IL10RA: variants seen among roughly 807,000 people sequenced by gnomAD.
The protein encoded by IL10RA is interleukin 10 receptor subunit alpha.
IL10RA carries 18 observed loss-of-function variants against 29.6 expected under a neutral mutation model. The ratio of observed to expected loss-of-function variants is 0.61; its 90% CI spans 0.42 to 0.90. The LOEUF (loss-of-function observed/expected upper bound fraction) is 0.90. Ranked by LOEUF, IL10RA falls within the 40% of genes least tolerant of loss-of-function variation. The pLI is 0.00. For missense variants in IL10RA, 634 were observed against 716.6 expected (o/e 0.88, Z 1.32); for synonymous variants, 292 against 294.1 (o/e 0.99, Z 0.07).
At chr11:117,990,352 A>AT (rs11355213) in intron 3 of IL10RA, among the ~76,000 whole-genome samples, 86 of 149,328 alleles carry the variant, frequency 5.8e-4, no homozygotes, top group Admixed American at 1.5e-3. Context: ...GGGCATCTGT[A>AT]TTTTTTTTTT....
rs2058041700 is a variant in IL10RA, at chr11:117,994,148, G to C, written c.687G>C (p.Gln229His). ...AGGAGTGCATCTCCCTCACCAGGCA[G>C]TGTGAGTCAGCTGGGCTGCTCTCAG... is the stretch of plus-strand genomic sequence containing the variant. ...SKEECISLTRQYFTVTNVIIF... is the reference protein window; with the variant it reads ...SKEECISLTRHYFTVTNVIIF... The change falls in exon 5 of 7, where the codon CAG becomes CAC. Residue 229 changes from glutamine (Q) to histidine (H), a missense_variant and splice_region_variant. Coordinates refer to ENST00000227752, the MANE Select transcript of IL10RA (RefSeq NM_001558.4). 6.2e-7 allele frequency: 1 copy of C among 1,613,872 alleles called. No individual in the cohort carries two copies. Among genetic ancestry groups the C allele is most frequent in the Non-Finnish European group, 8.5e-7 (1 of 1,179,880 alleles).
chr11:117,987,674 G>A (rs2057995072), intron 1 of IL10RA: 1 of 157,484 alleles, frequency 6.3e-6, no homozygotes, highest in Non-Finnish European at 1.4e-5. Flanking sequence ...GGTGTGTACT[G>A]GGGGTAAAGG....
intron 6 of IL10RA, among the ~76,000 whole-genome samples, chr11:117,997,802 A>G (rs4252314): frequency 0.026 from 3,929 of 152,304 alleles, 78 homozygotes; most frequent in Non-Finnish European, 0.038. Context: ...TAACAGGGTT[A>G]ATGTGGAGAG....
At chr11:117,991,748 A>G (rs999604607) in intron 3 of IL10RA, among the ~76,000 whole-genome samples, 2 of 151,580 alleles carry the variant, frequency 1.3e-5, no homozygotes, top group South Asian at 2.1e-4. Context: ...CTTTTTTTTC[A>G]ATTTGAGACA....
intron 3 of IL10RA, among the ~76,000 whole-genome samples, chr11:117,991,860 T>G (rs4252261): frequency 0.19 from 28,556 of 151,984 alleles, 3,630 homozygotes; most frequent in African/African-American, 0.37. Context: ...TCAGCCTCCT[T>G]AGTAGCTGGG....
Position 117,986,506 on chromosome 11 carries a change from C to T in IL10RA, c.39C>T (p.Leu13=). 2 of 1,556,266 alleles carry T rather than the reference C, an allele frequency of 1.3e-6. No individual in the cohort carries two copies. The highest frequency in any genetic ancestry group is 1.2e-5 in the South Asian group (1 of 84,344). Residue 13 remains leucine, a synonymous_variant, in exon 1 of 7, where the codon CTC becomes CTT. Coordinates refer to ENST00000227752, the MANE Select transcript of IL10RA (RefSeq NM_001558.4). ...PCLVVLLAAL[L]SLRLGSDAHG... Reference sequence around the variant, plus strand: ...TCGTAGTGCTGCTGGCGGCGCTCCTCAGCCTCCGTCTTGGCTCAGACGCTC... The same window carrying T: ...TCGTAGTGCTGCTGGCGGCGCTCCTTAGCCTCCGTCTTGGCTCAGACGCTC...
At chr11:117,986,599 C>A (rs2057988442) in intron 1 of IL10RA, 65 bp downstream of exon 1, 1 of 1,546,648 alleles carries the variant, frequency 6.5e-7, no homozygotes, top group Non-Finnish European at 8.7e-7. Flanking sequence ...TTAAAGTTCT[C>A]CATCCAGTGG....
rs1028459628 is a variant in IL10RA at position 117,989,750 on chromosome 11, G to T, written c.367+130G>T. On this transcript the variant is annotated intron_variant, in intron 3 of 6. Coordinates refer to ENST00000227752, the MANE Select transcript of IL10RA (RefSeq NM_001558.4). This position sits in a 1 kb window ranked among gnomAD's most constrained non-coding sequence, Gnocchi z 4.5. ...AGCCTCCCTGGCCGGAGAACTAGTT[G>T]CCCAAACAGGGCAGGACTTTGGAGA... is the stretch of plus-strand genomic sequence containing the variant. 1.1e-6 allele frequency: 1 copy of T among 917,816 alleles called. No homozygotes were observed. Among genetic ancestry groups the T allele is most frequent in the Non-Finnish European group, 1.7e-6 (1 of 581,644 alleles). 56.9% of individuals were successfully genotyped at this position (917,816 alleles called of 1,614,324 possible).
Position 117,994,088 on chromosome 11 carries a change from C to A in IL10RA, c.627C>A (p.Val209=), listed in dbSNP as rs757785268. ...TCTGTGTCCAGGTGAAACCATCTGT[C>A]GCTTCCCGAAGTAACAAGGGGATGT... ...GEFCVQVKPS[V]ASRSNKGMWS... The change falls in exon 5 of 7, where the codon GTC becomes GTA. Residue 209 remains valine, a synonymous_variant. Coordinates refer to ENST00000227752, the MANE Select transcript of IL10RA (RefSeq NM_001558.4). 19 of 1,613,922 alleles carry A rather than the reference C, an allele frequency of 1.2e-5. No individual in the cohort carries two copies. The highest frequency in any genetic ancestry group is 1.6e-5 in the Non-Finnish European group (19 of 1,179,900).
chr11:117,996,123 G>T (rs2058054616), intron 6 of IL10RA, among the ~76,000 whole-genome samples: 1 of 152,210 alleles, frequency 6.6e-6, no homozygotes, highest in African/African-American at 2.4e-5. Context: ...GCCAGGAAGA[G>T]TCAGGGAGGG....
At chr11:118,002,403 A>G (rs1422544109), downstream of IL10RA, 1 of 152,158 alleles carries the variant, frequency 6.6e-6, no homozygotes, top group East Asian at 1.9e-4. Context: ...CTTGACTAAT[A>G]TCACGCCATT....
chr11:117,993,512 T>A, intron 4 of IL10RA, 102 bp downstream of exon 4: 1 of 1,049,280 alleles, frequency 9.5e-7, no homozygotes, highest in Non-Finnish European at 1.5e-6. Context: ...GCTTATGGAC[T>A]AAAGGGAGGG....
rs2058088973 is a variant in IL10RA, at chr11:118,000,480, T to C, written c.*839T>C. 2.2e-6 allele frequency: 1 copy of C among 454,280 alleles called. No homozygotes were observed. The highest frequency in any genetic ancestry group is 4.4e-6 in the Non-Finnish European group (1 of 226,790). 28.1% of individuals were successfully genotyped at this position (454,280 alleles called of 1,614,324 possible). A position where few individuals can be genotyped will look rare whatever the true frequency, so the allele number is the denominator to read the frequency against. On this transcript the variant is annotated 3_prime_UTR_variant, in exon 7 of 7. Coordinates refer to ENST00000227752, the MANE Select transcript of IL10RA (RefSeq NM_001558.4). ...TCCAGAGAAGCCATGGTTTTTTGTA[T>C]TGGTCATAACTCAGCCCTTTGGGCG... is the stretch of plus-strand genomic sequence containing the variant.
At chr11:117,988,543 C>G (rs372612391) in intron 2 of IL10RA, 41 bp downstream of exon 2, 7 of 1,610,978 alleles carry the variant, frequency 4.3e-6, no homozygotes, top group Non-Finnish European at 2.5e-6. Flanking sequence ...AGGAGTGAAT[C>G]CCCGCCTTGT....
At position 117,999,745 on chromosome 11, in the gene IL10RA, C is replaced by G. The variant is rs886047710; in HGVS notation, c.*104C>G. The stretch of plus-strand genomic sequence containing the variant: ...AGTTAGGCACGAGGCAGTCTGGGCA[C>G]TTTTCTGCAAGTCCACTGGGGCTGG... On this transcript the variant is annotated 3_prime_UTR_variant, in exon 7 of 7. Transcript: ENST00000227752. The G allele has an allele frequency of 8.4e-6, 9 of 1,069,836 alleles. No homozygotes were observed. The East Asian group carries it at 2.0e-4, about 24-fold the overall frequency. 66.3% of individuals were successfully genotyped at this position (1,069,836 alleles called of 1,614,324 possible).
chr11:117,996,297 G>A (rs868033794), intron 6 of IL10RA, among the ~76,000 whole-genome samples: 33 of 152,078 alleles, frequency 2.2e-4, no homozygotes, highest in African/African-American at 8.0e-4. Context: ...GCTGGCAGGG[G>A]ACAGGGAGGG....
chr11:117,988,024 G>A (rs1396603133), intron 1 of IL10RA: 1 of 367,850 alleles, frequency 2.7e-6, no homozygotes, highest in Non-Finnish European at 5.3e-6. Flanking sequence ...TAGGAATAGT[G>A]CTAGAGCAGG....
Position 117,989,696 on chromosome 11 carries a change from G to C in IL10RA, c.367+76G>C. On this transcript the variant is annotated intron_variant, in intron 3 of 6. Transcript: ENST00000227752. The surrounding 1 kb of genome is among the most constrained non-coding windows in gnomAD (Gnocchi z 4.5). Reference sequence around the variant, plus strand: ...AGGAACTCTAGTCTAGAGCTTTTCTGTCTATTACCATAGCTCACCATGTCT... The same window carrying C: ...AGGAACTCTAGTCTAGAGCTTTTCTCTCTATTACCATAGCTCACCATGTCT... 1 of 1,441,714 alleles carries C rather than the reference G, an allele frequency of 6.9e-7. No homozygotes were observed. The highest frequency in any genetic ancestry group is 9.6e-7 in the Non-Finnish European group (1 of 1,042,472). The allele number at this position is 1,441,714 out of a possible 1,614,324, so 89.3% of individuals were successfully genotyped here. A position where few individuals can be genotyped will look rare whatever the true frequency, so the allele number is the denominator to read the frequency against.
In IL10RA at chr11:117,999,410, A is replaced by G. The variant is rs879002998; in HGVS notation, c.1506A>G (p.Leu502=). 6.2e-7 allele frequency: 1 copy of G among 1,614,226 alleles called. No homozygotes were observed. Among genetic ancestry groups the G allele is most frequent in the South Asian group, 1.1e-5 (1 of 91,084 alleles). Reference sequence around the variant, plus strand: ...AGGGCTATTTGAAACAGGATCCTCTAGAAATGACTCTGGCTTCCTCAGGGG... The same window carrying G: ...AGGGCTATTTGAAACAGGATCCTCTGGAAATGACTCTGGCTTCCTCAGGGG... ...LAKGYLKQDP[L]EMTLASSGAP... The change falls in exon 7 of 7, where the codon CTA becomes CTG. Residue 502 remains leucine (L), a synonymous_variant. Coordinates refer to ENST00000227752, the MANE Select transcript of IL10RA (RefSeq NM_001558.4).
Sources: allele counts gnomAD v4.1 joint callset (sites outside exome capture counted in the v4.1 genomes callset), GRCh38; gene constraint gnomAD v4.1.1; non-coding constraint Gnocchi (gnomAD v3.1); transcripts MANE v1.5; gene names NCBI Gene and HGNC (gene_info 2026-07-23, HGNC 2026-07-21).